The following CAB39 variants were observed in gnomAD, a reference collection of about 807,000 sequenced individuals.
CAB39 encodes the protein calcium-binding protein 39.
Under a neutral mutation model 40.0 loss-of-function variants are expected in CAB39, and 8 were observed. That is an observed-to-expected ratio of 0.20 (90% CI 0.12 to 0.36). CAB39 has a LOEUF of 0.36. Among genes scored for constraint, CAB39 ranks in the 10% least tolerant of loss-of-function variants. The pLI is 1.00. For synonymous variants in CAB39, 156 were observed against 141.6 expected (o/e 1.10, Z -0.72); for missense variants, 270 against 401.1 (o/e 0.67, Z 2.79).
chr2:230,810,022 A>G (rs576964009), intron 5 of CAB39, among the ~76,000 whole-genome samples: 1 of 152,214 alleles, frequency 6.6e-6, no homozygotes, highest in Non-Finnish European at 1.5e-5. Context: ...CATTGCCTTT[A>G]TCATTTTTTC....
At chr2:230,809,695 CGTT>C (rs751430709) in intron 5 of CAB39, among the ~76,000 whole-genome samples, 1 of 152,170 alleles carries the variant, frequency 6.6e-6, no homozygotes, top group Non-Finnish European at 1.5e-5. Context: ...GGTTCACAGT[CGTT>C]GTTAATTCTA....
At chr2:230,787,770 C>T (rs1318602230) in intron 2 of CAB39, among the ~76,000 whole-genome samples, 2 of 152,060 alleles carry the variant, frequency 1.3e-5, no homozygotes, top group Non-Finnish European at 2.9e-5. Context: ...AATCAAAGAA[C>T]CTGAGGGGAG....
At chr2:230,799,119 G>A in intron 5 of CAB39, 1 of 444,258 alleles carries the variant, frequency 2.3e-6, no homozygotes, top group African/African-American at 2.0e-5. Flanking sequence ...CAAAAGTCCT[G>A]TGTGGTCAAA....
At position 230,820,334 on chromosome 2, in the gene CAB39, C is replaced by T. The variant is rs1696487689; in HGVS notation, c.*1630C>T. On this transcript the variant is annotated 3_prime_UTR_variant, in exon 9 of 9. Coordinates refer to ENST00000258418, the MANE Select transcript of CAB39 (RefSeq NM_016289.4). ...ATTGCTGTTTCAGCAGGTTTTAAAC[C>T]TTCAGGAACACCAGTTAGGAAAATA... 6.6e-6 allele frequency: 1 copy of T among 152,088 alleles called. No individual in the cohort carries two copies. Among genetic ancestry groups the T allele is most frequent in the Non-Finnish European group, 1.5e-5 (1 of 68,016 alleles). The allele number at this position is 152,088 out of a possible 1,614,324, so 9.4% of individuals were successfully genotyped here. A position where few individuals can be genotyped will look rare whatever the true frequency, so the allele number is the denominator to read the frequency against.
At chr2:230,715,209 C>CTTCT (rs1286128741) in intron 1 of CAB39, among the ~76,000 whole-genome samples, 1 of 152,126 alleles carries the variant, frequency 6.6e-6, no homozygotes, top group African/African-American at 2.4e-5. Context: ...CAATGGAAGT[C>CTTCT]TTCTAAGCAT....
intron 1 of CAB39, among the ~76,000 whole-genome samples, chr2:230,748,831 A>AAATATATATAT (rs1386799920): frequency 2.8e-4 from 8 of 28,506 alleles, no homozygotes; most frequent in African/African-American, 5.0e-4. Context: ...AAAAAAAAAA[A>AAATATATATAT]ATATATATAT....
At position 230,738,703 on chromosome 2, in the gene CAB39, C is replaced by A. The variant is rs925068389; in HGVS notation, c.-43-21256C>A. On this transcript the variant is annotated intron_variant, in intron 1 of 8. Coordinates refer to ENST00000258418, the MANE Select transcript of CAB39 (RefSeq NM_016289.4). The stretch of plus-strand genomic sequence containing the variant: ...GCAGTTTAAAAAGAAACCTTCCAAT[C>A]TCCTACTATGGTGGTTTAGCTCAGG... Among the ~76,000 whole-genome samples, 4 of 152,210 alleles carry A rather than the reference C, an allele frequency of 2.6e-5. No individual in the cohort carries two copies. The South Asian group carries it at 8.3e-4, about 32-fold the overall frequency.
chr2:230,816,917 A>G (rs985723203), intron 7 of CAB39, among the ~76,000 whole-genome samples: 1 of 152,202 alleles, frequency 6.6e-6, no homozygotes, highest in Admixed American at 6.5e-5. Context: ...CAGCTCTGCC[A>G]CCGCCCACAA....
intron 2 of CAB39, among the ~76,000 whole-genome samples, chr2:230,770,882 G>C (rs928248668): frequency 3.3e-5 from 5 of 151,982 alleles, no homozygotes; most frequent in Non-Finnish European, 5.9e-5. Context: ...ATAGAGGAAG[G>C]GAATTTTCTC....
Position 230,762,068 on chromosome 2 carries a change from C to T in CAB39, c.114+1953C>T, listed in dbSNP as rs952869809. Among the ~76,000 whole-genome samples, 6 of 152,036 alleles carry T rather than the reference C, an allele frequency of 3.9e-5. No homozygotes were observed. The South Asian group carries it at 6.2e-4, about 16-fold the overall frequency. On this transcript the variant is annotated intron_variant, in intron 2 of 8. Coordinates refer to ENST00000258418, the MANE Select transcript of CAB39 (RefSeq NM_016289.4). ...GACTACAGGTGCGTACCACCATGTC[C>T]GGCTAATTTTTGTAGTTTTAGTAGA...
chr2:230,736,942 C>G (rs1694797789), intron 1 of CAB39, among the ~76,000 whole-genome samples: 1 of 152,064 alleles, frequency 6.6e-6, no homozygotes, highest in African/African-American at 2.4e-5. Context: ...CCAGAGAGGT[C>G]CAAGGTTAGA....
chr2:230,800,507 TTGG>T (rs965419309), intron 5 of CAB39, among the ~76,000 whole-genome samples: 11 of 152,174 alleles, frequency 7.2e-5, no homozygotes, highest in Non-Finnish European at 2.9e-5. Context: ...GTCACCACAG[TTGG>T]TGGGCTAGGA....
rs1575969670 is a variant in CAB39 at position 230,820,140 on chromosome 2, G to T, written c.*1436G>T. 6.6e-6 allele frequency: 1 copy of T among 152,664 alleles called. No individual in the cohort carries two copies. The highest frequency in any genetic ancestry group is 3.4e-3 in the Middle Eastern group (1 of 294). 9.5% of individuals were successfully genotyped at this position (152,664 alleles called of 1,614,324 possible). Reference sequence around the variant, plus strand: ...ATATCTATGTAAAGTTATTAGAATGGTATCTGTTCATTTTAGTGATATGAA... The same window carrying T: ...ATATCTATGTAAAGTTATTAGAATGTTATCTGTTCATTTTAGTGATATGAA... On this transcript the variant is annotated 3_prime_UTR_variant, in exon 9 of 9. Transcript: ENST00000258418.
chr2:230,734,637 T>G (rs1021083614), intron 1 of CAB39, among the ~76,000 whole-genome samples: 3 of 152,330 alleles, frequency 2.0e-5, no homozygotes, highest in East Asian at 3.9e-4. Flanking sequence ...ATCCATAGAC[T>G]TCTTGGTTAT....
rs529464477 is a variant in CAB39, at chr2:230,760,412, T to A, written c.114+297T>A. Among the ~76,000 whole-genome samples the A allele has an allele frequency of 8.5e-5, 13 of 152,332 alleles. No homozygotes were observed. In the East Asian group the frequency reaches 2.5e-3, roughly 29 times the overall value. Reference sequence around the variant, plus strand: ...CTAATTATTTTTGTAGAGACAGGGTTGTGCTATGTTGCCCAGGCTAGTCTC... The same window carrying A: ...CTAATTATTTTTGTAGAGACAGGGTAGTGCTATGTTGCCCAGGCTAGTCTC... On this transcript the variant is annotated intron_variant, in intron 2 of 8. Transcript: ENST00000258418.
At chr2:230,795,119 T>C (rs1279627185) in intron 4 of CAB39, among the ~76,000 whole-genome samples, 1 of 151,858 alleles carries the variant, frequency 6.6e-6, no homozygotes, top group Admixed American at 6.6e-5. Flanking sequence ...CTACTAAAAA[T>C]ACAAAAATTA....
At chr2:230,806,138 A>C (rs1403631894) in intron 5 of CAB39, among the ~76,000 whole-genome samples, 2 of 152,186 alleles carry the variant, frequency 1.3e-5, no homozygotes, top group South Asian at 4.1e-4. Context: ...AAGTATAATA[A>C]TTACTAGGAT....
chr2:230,731,109 T>C (rs1057410677), intron 1 of CAB39, among the ~76,000 whole-genome samples: 1 of 152,254 alleles, frequency 6.6e-6, no homozygotes. Flanking sequence ...GTCTTAATCC[T>C]TAAAGCATGC....
At position 230,818,753 on chromosome 2, in the gene CAB39, CT is replaced by C; in HGVS notation, c.*50del. 2.1e-6 allele frequency: 3 copies of C among 1,437,756 alleles called. No individual in the cohort carries two copies. The highest frequency in any genetic ancestry group is 2.9e-6 in the Non-Finnish European group (3 of 1,028,768). 89.1% of individuals were successfully genotyped at this position (1,437,756 alleles called of 1,614,324 possible). On this transcript the variant is annotated 3_prime_UTR_variant, in exon 9 of 9. Transcript: ENST00000258418. ...ATCCAAATTCAGCATTTGCTGTTAG[CT>C]ATTCAGCATCAGGCACTCTTATTGA...
Sources: gnomAD v4.1 joint callset for allele counts (sites outside exome capture counted in the v4.1 genomes callset) on GRCh38, gnomAD v4.1.1 for gene constraint, MANE v1.5 for transcripts, NCBI Gene and HGNC (gene_info 2026-07-23, HGNC 2026-07-21) for gene names.